ATG5: variants seen among roughly 807,000 people sequenced by gnomAD.
ATG5 encodes autophagy related 5.
In ATG5, 14 loss-of-function variants were observed where a neutral mutation model predicts 36.5. The observed-to-expected ratio is 0.38, with a 90% CI of 0.25 to 0.60. The LOEUF is 0.60. Ranked by LOEUF, ATG5 falls within the 20% of genes least tolerant of loss-of-function variation. The probability of loss-of-function intolerance (pLI) is 0.60; values close to 1 mark genes in which losing one functional copy is unlikely to be tolerated. For missense variants in ATG5, 195 were observed against 326.7 expected, an observed-to-expected ratio of 0.60 and a Z score of 3.11; for synonymous variants, 95 against 101.5, an observed-to-expected ratio of 0.94 and a Z score of 0.38.
intron 1 of ATG5, among the ~76,000 whole-genome samples, chr6:106,318,109 T>C (rs1770925401): frequency 6.6e-6 from 1 of 152,224 alleles, no homozygotes; most frequent in Non-Finnish European, 1.5e-5. Flanking sequence ...ATATTATTTT[T>C]CTTCTCAGAA....
intron 6 of ATG5, chr6:106,202,339 C>A: frequency 3.1e-6 from 1 of 327,252 alleles, no homozygotes; most frequent in Non-Finnish European, 5.6e-6. Context: ...GGCTGGGACC[C>A]TTCAAAAACT....
At chr6:106,209,789 G>A (rs1328574281) in intron 6 of ATG5, among the ~76,000 whole-genome samples, 2 of 152,156 alleles carry the variant, frequency 1.3e-5, no homozygotes, top group Non-Finnish European at 2.9e-5. Flanking sequence ...TGAAGGGTAT[G>A]TAGATCTTTC....
intron 6 of ATG5, among the ~76,000 whole-genome samples, chr6:106,244,440 G>A (rs34512839): frequency 0.022 from 3,413 of 152,240 alleles, 53 homozygotes; most frequent in Middle Eastern, 0.068. Flanking sequence ...AGACAAACAG[G>A]TTGTCCTTAT....
chr6:106,222,473 AG>A (rs1777287138), intron 6 of ATG5, among the ~76,000 whole-genome samples: 1 of 152,128 alleles, frequency 6.6e-6, no homozygotes, highest in Non-Finnish European at 1.5e-5. Context: ...CTTCATATTA[AG>A]GGGAGAACAT....
intron 6 of ATG5, among the ~76,000 whole-genome samples, chr6:106,203,479 T>TA (rs1268277433): frequency 6.6e-6 from 1 of 152,230 alleles, no homozygotes; most frequent in Non-Finnish European, 1.5e-5. Context: ...TTAAAGAGAA[T>TA]AAAAGCATTT....
intron 6 of ATG5, among the ~76,000 whole-genome samples, chr6:106,204,075 C>T (rs147990588): frequency 1.3e-4 from 20 of 151,988 alleles, no homozygotes; most frequent in African/African-American, 3.4e-4. Flanking sequence ...CAAGGCCTGT[C>T]GGGGAGTAGG....
intron 5 of ATG5, among the ~76,000 whole-genome samples, chr6:106,273,678 A>C (rs1779538489): frequency 6.6e-6 from 1 of 152,222 alleles, no homozygotes; most frequent in African/African-American, 2.4e-5. Context: ...TAAGAGACAC[A>C]GCAATAAATA....
intron 6 of ATG5, among the ~76,000 whole-genome samples, chr6:106,230,181 T>C (rs1777620501): frequency 6.6e-6 from 1 of 152,186 alleles, no homozygotes; most frequent in East Asian, 1.9e-4. Flanking sequence ...TGCCTAATAA[T>C]TGGTCTCCTC....
At chr6:106,304,265 C>G (rs73761677) in intron 3 of ATG5, 1 of 151,836 alleles carries the variant, frequency 6.6e-6, no homozygotes, top group African/African-American at 2.4e-5. Context: ...ATTTGTGAAG[C>G]GCTCCACAGT....
At chr6:106,195,389 T>A (rs1391373476) in intron 7 of ATG5, among the ~76,000 whole-genome samples, 1 of 152,216 alleles carries the variant, frequency 6.6e-6, no homozygotes, top group Non-Finnish European at 1.5e-5. Flanking sequence ...AAATGCTTCA[T>A]GTTTGACACA....
rs74533395 is a variant in ATG5 at position 106,205,996 on chromosome 6, G to A, written c.574-3907C>T. On this transcript the variant is annotated intron_variant, in intron 6 of 7. Transcript: ENST00000369076. Reference sequence around the variant, plus strand: ...ATTCTTATTCTTAAAAATTTAGTGTGCTAGCAAATAGCAATTAAGTACCTA... The same window carrying A: ...ATTCTTATTCTTAAAAATTTAGTGTACTAGCAAATAGCAATTAAGTACCTA... 7.4e-3 allele frequency among the ~76,000 whole-genome samples: 1,131 copies of A among 152,178 alleles called. 14 individuals are homozygous for A. Among genetic ancestry groups the A allele is most frequent in the Middle Eastern group, 0.031 (9 of 294 alleles).
intron 6 of ATG5, among the ~76,000 whole-genome samples, chr6:106,228,442 G>A (rs1037437855): frequency 1.3e-5 from 2 of 152,134 alleles, no homozygotes; most frequent in Non-Finnish European, 2.9e-5. Context: ...CTGAACACTA[G>A]TCACTGGGTT....
intron 6 of ATG5, among the ~76,000 whole-genome samples, chr6:106,216,186 TGAC>T (rs1777033703): frequency 6.6e-6 from 1 of 152,202 alleles, no homozygotes; most frequent in African/African-American, 2.4e-5. Context: ...GAAAACAGTC[TGAC>T]AATACCCCAA....
intron 2 of ATG5, among the ~76,000 whole-genome samples, chr6:106,314,309 C>T (rs971395464): frequency 6.6e-6 from 1 of 152,144 alleles, no homozygotes; most frequent in East Asian, 1.9e-4. Context: ...GTAATCCGGG[C>T]ATTTTGGAAG....
intron 5 of ATG5, among the ~76,000 whole-genome samples, chr6:106,275,793 G>A (rs1779619533): frequency 6.6e-6 from 1 of 152,192 alleles, no homozygotes; most frequent in Admixed American, 6.5e-5. Context: ...ATAAACATGA[G>A]CTGTAGCTTG....
At chr6:106,253,982 A>G (rs915623835) in intron 5 of ATG5, among the ~76,000 whole-genome samples, 28 of 152,180 alleles carry the variant, frequency 1.8e-4, no homozygotes, top group Admixed American at 1.3e-3. Context: ...ACCCCCTTGG[A>G]AAGTTATTGC....
intron 3 of ATG5, among the ~76,000 whole-genome samples, chr6:106,295,299 G>C (rs964663348): frequency 6.6e-6 from 1 of 152,044 alleles, no homozygotes; most frequent in Non-Finnish European, 1.5e-5. Context: ...TATTCACTTG[G>C]ATTTCATTAA....
chr6:106,194,534 T>C (rs1327738814), intron 7 of ATG5, among the ~76,000 whole-genome samples: 1 of 124,420 alleles, frequency 8.0e-6, no homozygotes, highest in Admixed American at 8.2e-5. Flanking sequence ...TTTTCTTTTC[T>C]TTTTCTTTTT....
At chr6:106,193,807 GTT>G (rs1776066946) in intron 7 of ATG5, among the ~76,000 whole-genome samples, 1 of 152,130 alleles carries the variant, frequency 6.6e-6, no homozygotes, top group Non-Finnish European at 1.5e-5. Context: ...TAATTGTACT[GTT>G]TACATATGGT....
Sources: allele counts gnomAD v4.1 joint callset (sites outside exome capture counted in the v4.1 genomes callset), GRCh38; gene constraint gnomAD v4.1.1; transcripts MANE v1.5; gene names NCBI Gene and HGNC (gene_info 2026-07-23, HGNC 2026-07-21).